NCAM1: variants seen among roughly 807,000 people sequenced by gnomAD.
NCAM1 encodes the protein neural cell adhesion molecule 1.
A neutral mutation model predicts 109.8 loss-of-function variants in NCAM1; 14 were observed. The ratio of observed to expected loss-of-function variants is 0.13; its 90% CI spans 0.08 to 0.20. The LOEUF (loss-of-function observed/expected upper bound fraction) is 0.20, where lower values mean the gene tolerates loss of function less well. Ranked by LOEUF, NCAM1 falls within the 10% of genes least tolerant of loss-of-function variation. The pLI is 1.00. For missense variants in NCAM1, 774 were observed against 1,109.9 expected, an observed-to-expected ratio of 0.70 and a Z score of 4.30; for synonymous variants, 418 against 442.9, an observed-to-expected ratio of 0.94 and a Z score of 0.70.
At chr11:113,225,416 G>C (rs4938003) in intron 9 of NCAM1, among the ~76,000 whole-genome samples, 4,590 of 152,324 alleles carry the variant, frequency 0.03, 122 homozygotes, top group East Asian at 0.071. Flanking sequence ...AACCCTCCAA[G>C]AAATATGGGA....
intron 1 of NCAM1, among the ~76,000 whole-genome samples, chr11:113,064,578 T>C (rs1937859230): frequency 6.6e-6 from 1 of 152,206 alleles, no homozygotes; most frequent in African/African-American, 2.4e-5. Flanking sequence ...TTTAAATACA[T>C]CATCTCATTT....
intron 1 of NCAM1, among the ~76,000 whole-genome samples, chr11:113,112,209 T>C (rs945432095): frequency 6.6e-6 from 1 of 152,238 alleles, no homozygotes; most frequent in Non-Finnish European, 1.5e-5. Context: ...TCTTTTTACC[T>C]GATGTTAGTC....
At chr11:113,075,958 A>T (rs1246242830) in intron 1 of NCAM1, among the ~76,000 whole-genome samples, 2 of 152,206 alleles carry the variant, frequency 1.3e-5, no homozygotes, top group African/African-American at 4.8e-5. Context: ...TGTTAAGTAG[A>T]AATAAAGCTA....
intron 1 of NCAM1, among the ~76,000 whole-genome samples, chr11:112,996,670 GT>G (rs1951605305): frequency 6.6e-6 from 1 of 152,110 alleles, no homozygotes; most frequent in Non-Finnish European, 1.5e-5. Flanking sequence ...CAGTGCAGTT[GT>G]TTTATTCTGC....
Position 112,963,592 on chromosome 11 carries a change from C to T in NCAM1, c.52+1928C>T, listed in dbSNP as rs1431789915. 2 of 152,464 alleles carry T rather than the reference C, an allele frequency of 1.3e-5. No individual in the cohort carries two copies. Among genetic ancestry groups the T allele is most frequent in the Non-Finnish European group, 2.9e-5 (2 of 68,258 alleles). The allele number at this position is 152,464 out of a possible 1,614,324, so 9.4% of individuals were successfully genotyped here. On this transcript the variant is annotated intron_variant, in intron 1 of 19. Transcript: ENST00000316851. This position sits in a 1 kb window ranked among gnomAD's most constrained non-coding sequence, Gnocchi z 4.6. Reference sequence around the variant, plus strand: ...TCCGCTGCCACCTGGGCGGGGGCCACCCCGGTTATGCCCCTTTCCGCGGTG... The same window carrying T: ...TCCGCTGCCACCTGGGCGGGGGCCATCCCGGTTATGCCCCTTTCCGCGGTG...
chr11:112,971,254 C>CTCTCTCTCTCTCTCTCTGTG lies in NCAM1; in HGVS notation c.52+9592_52+9611dup, dbSNP rs782418703. On this transcript the variant is annotated intron_variant, in intron 1 of 19. Coordinates refer to ENST00000316851, the MANE Select transcript of NCAM1 (RefSeq NM_181351.5). ...TCTCTCTCTCTCTCTCTGTCTCTGT[C>CTCTCTCTCTCTCTCTCTGTG]TCTCTCTCTCTCTCTCTGTGTAATA... Among the ~76,000 whole-genome samples, 8 of 146,736 alleles carry CTCTCTCTCTCTCTCTCTGTG rather than the reference C, an allele frequency of 5.5e-5. No individual in the cohort carries two copies. In the East Asian group the frequency reaches 1.6e-3, roughly 29 times the overall value.
intron 1 of NCAM1, among the ~76,000 whole-genome samples, chr11:113,088,393 A>G (rs1474926831): frequency 1.3e-5 from 2 of 152,226 alleles, no homozygotes; most frequent in Non-Finnish European, 2.9e-5. Flanking sequence ...ATTCTGTTGT[A>G]GTCATTATAA....
intron 1 of NCAM1, among the ~76,000 whole-genome samples, chr11:113,147,493 G>A (rs1942061380): frequency 6.6e-6 from 1 of 152,254 alleles, no homozygotes; most frequent in Admixed American, 6.5e-5. Flanking sequence ...GGTTCTGGAG[G>A]CTTTGAGTTT....
In NCAM1 at chr11:113,092,588, A is replaced by G. The variant is rs139229634; in HGVS notation, c.53-109791A>G. 2.2e-4 allele frequency among the ~76,000 whole-genome samples: 34 copies of G among 152,300 alleles called. 1 individual carries two copies. Among genetic ancestry groups the G allele is most frequent in the African/African-American group, 7.5e-4 (31 of 41,566 alleles). On this transcript the variant is annotated intron_variant, in intron 1 of 19. Coordinates refer to ENST00000316851, the MANE Select transcript of NCAM1 (RefSeq NM_181351.5). ...TGAGCCAGTTCTTGATAAAATTGCA[A>G]TTATATGAAAGTCTATTATTGGTCT... is the stretch of plus-strand genomic sequence containing the variant.
chr11:113,100,745 C>T (rs1441646404), intron 1 of NCAM1, among the ~76,000 whole-genome samples: 10 of 151,934 alleles, frequency 6.6e-5, no homozygotes, highest in Non-Finnish European at 7.4e-5. Context: ...GTGGGTGGCA[C>T]GTGGCAGGCC....
chr11:113,035,616 T>C (rs1278398688), intron 1 of NCAM1, among the ~76,000 whole-genome samples: 2 of 152,188 alleles, frequency 1.3e-5, no homozygotes, highest in Non-Finnish European at 2.9e-5. Context: ...CATTATTGGG[T>C]AATTCACATG....
intron 1 of NCAM1, among the ~76,000 whole-genome samples, chr11:112,970,501 CG>C (rs1444876558): frequency 6.6e-6 from 1 of 152,084 alleles, no homozygotes; most frequent in Non-Finnish European, 1.5e-5. Context: ...CACCTGTATG[CG>C]GGGAAAGGAC....
At chr11:113,135,009 A>C (rs1941546701) in intron 1 of NCAM1, among the ~76,000 whole-genome samples, 1 of 151,910 alleles carries the variant, frequency 6.6e-6, no homozygotes, top group Non-Finnish European at 1.5e-5. Context: ...GGGCTATGGG[A>C]ACAAGACCTT....
rs539656212 is a variant in NCAM1 at position 112,998,545 on chromosome 11, C to G, written c.52+36881C>G. On this transcript the variant is annotated intron_variant, in intron 1 of 19. Coordinates refer to ENST00000316851, the MANE Select transcript of NCAM1 (RefSeq NM_181351.5). ...GCGTAGTCCCTGATCTCTAATTCTC[C>G]AAATAATTGCCCCACCCTCACCTAG... Among the ~76,000 whole-genome samples, 3 of 152,174 alleles carry G rather than the reference C, an allele frequency of 2.0e-5. 1 individual carries two copies. In the South Asian group the frequency reaches 6.2e-4, roughly 32 times the overall value.
At chr11:113,203,489 C>G (rs969435184) in intron 2 of NCAM1, among the ~76,000 whole-genome samples, 2 of 152,230 alleles carry the variant, frequency 1.3e-5, no homozygotes, top group African/African-American at 4.8e-5. Flanking sequence ...GGGGCCCATG[C>G]AAACAGGCAG....
intron 1 of NCAM1, among the ~76,000 whole-genome samples, chr11:113,088,407 A>G (rs1486510573): frequency 1.3e-5 from 2 of 152,232 alleles, no homozygotes; most frequent in East Asian, 3.8e-4. Context: ...ATTATAAGAA[A>G]CAATCATTTA....
intron 9 of NCAM1, among the ~76,000 whole-genome samples, chr11:113,222,284 C>T (rs1240072505): frequency 6.6e-6 from 1 of 152,176 alleles, no homozygotes; most frequent in African/African-American, 2.4e-5. Flanking sequence ...AAATCTATCC[C>T]TTAGTCTTTC....
At chr11:113,143,857 G>A (rs758764959) in intron 1 of NCAM1, among the ~76,000 whole-genome samples, 4 of 152,168 alleles carry the variant, frequency 2.6e-5, no homozygotes, top group East Asian at 3.9e-4. Flanking sequence ...GTGTGTATTC[G>A]TTGCGCTGTG....
At chr11:113,242,720 G>A (rs2137394963) in intron 14 of NCAM1, 2 of 1,165,808 alleles carry the variant, frequency 1.7e-6, no homozygotes, top group Non-Finnish European at 2.6e-6. Context: ...ACCCATGTAT[G>A]TATACATATA....
Sources: gnomAD v4.1 joint callset for allele counts (sites outside exome capture counted in the v4.1 genomes callset) on GRCh38, gnomAD v4.1.1 for gene constraint, Gnocchi (gnomAD v3.1) non-coding constraint, MANE v1.5 for transcripts, NCBI Gene and HGNC (gene_info 2026-07-23, HGNC 2026-07-21) for gene names.